Variants in PLXNA3 observed in about 807,000 individuals in gnomAD.
PLXNA3 encodes plexin A3.
A neutral mutation model predicts 118.8 loss-of-function variants in PLXNA3; 52 were observed. That is an observed-to-expected ratio of 0.44 (90% CI 0.35 to 0.55). The LOEUF is 0.55. PLXNA3 is among the 20% of genes least tolerant of loss of function. The pLI is 0.01. For missense variants in PLXNA3, 1,660 were observed against 1,730.8 expected, an observed-to-expected ratio of 0.96 and a Z score of 0.73; for synonymous variants, 925 against 762.4, an observed-to-expected ratio of 1.21 and a Z score of -3.51.
rs782321745 is a variant in PLXNA3 at position 154,467,928 on chromosome X, G to A, written c.3747G>A (p.Ala1249=). Residue 1249 remains alanine, a synonymous_variant, in exon 21 of 33, where the codon GCG becomes GCA. Coordinates refer to ENST00000369682, the MANE Select transcript of PLXNA3 (RefSeq NM_017514.5). ...CCTACAAGCGCAAGACTCAGGACGC[G>A]GACCGTACCCTCAAGCGTCTGCAGC... is the stretch of plus-strand genomic sequence containing the variant. ...LVAYKRKTQD[A]DRTLKRLQLQ... 4 of 1,210,879 alleles carry A rather than the reference G, an allele frequency of 3.3e-6. No homozygotes were observed. Among genetic ancestry groups the A allele is most frequent in the East Asian group, 3.0e-5 (1 of 33,835 alleles).
At chrX:154,461,055 G>C (rs1237751923) in intron 2 of PLXNA3, 44 bp from the exon 3 acceptor site, 4 of 1,098,071 alleles carry the variant, frequency 3.6e-6, no homozygotes, top group Non-Finnish European at 5.0e-6. Context: ...CGTGATGTTG[G>C]CACAGGGCCT....
chrX:154,466,213 T>C lies in PLXNA3; in HGVS notation c.2742T>C (p.Cys914=), dbSNP rs1557207021. 3 of 1,208,071 alleles carry C rather than the reference T, an allele frequency of 2.5e-6. No homozygotes were observed. Among genetic ancestry groups the C allele is most frequent in the Non-Finnish European group, 3.4e-6 (3 of 894,959 alleles). ...CGCCGCCGGGGCCCGTGGAGCTGTGTGTGGGTGACTGTTCAGCCGACTTCC... is the reference window on the plus strand; with the variant it reads ...CGCCGCCGGGGCCCGTGGAGCTGTGCGTGGGTGACTGTTCAGCCGACTTCC... ...PSPPPGPVEL[C]VGDCSADFRT... Residue 914 remains cysteine, a synonymous_variant, in exon 15 of 33, where the codon TGT becomes TGC. Coordinates refer to ENST00000369682, the MANE Select transcript of PLXNA3 (RefSeq NM_017514.5).
chrX:154,460,107 A>T (rs2068915479), intron 1 of PLXNA3, 50 bp from the exon 2 acceptor site: 2 of 707,441 alleles, frequency 2.8e-6, no homozygotes, highest in Non-Finnish European at 4.3e-6. Context: ...TGAATGGCCC[A>T]GCCCTCTGTG....
chrX:154,460,432 G>A lies in PLXNA3; in HGVS notation c.249G>A (p.Met83Ile), dbSNP rs1557203384. 2 of 1,202,049 alleles carry A rather than the reference G, an allele frequency of 1.7e-6. No individual in the cohort carries two copies. Among genetic ancestry groups the A allele is most frequent in the Non-Finnish European group, 2.2e-6 (2 of 889,448 alleles). ...DNARCYPPPS[M>I]RVCAHRLAPV... ...CTCGCTGCTACCCGCCCCCCAGCAT[G>A]CGCGTGTGTGCCCACCGCCTGGCCC... is the stretch of plus-strand genomic sequence containing the variant. Residue 83 changes from methionine (M) to isoleucine (I), a missense_variant, in exon 2 of 33, where the codon ATG (methionine) becomes ATA (isoleucine). By Grantham distance (10) the Met-to-Ile change is conservative. Transcript: ENST00000369682.
At position 154,463,656 on chromosome X, in the gene PLXNA3, G is replaced by A; in HGVS notation, c.1513G>A (p.Asp505Asn). 4 of 1,204,820 alleles carry A rather than the reference G, an allele frequency of 3.3e-6. No individual in the cohort carries two copies. Among genetic ancestry groups the A allele is most frequent in the Non-Finnish European group, 4.5e-6 (4 of 893,484 alleles). ...QSCAACLGSG[D>N]PHCGWCVLRH... Reference sequence around the variant, plus strand: ...CTGCGCAGCCTGCCTGGGCTCCGGGGACCCGCACTGTGGTTGGTGTGTGCT... The same window carrying A: ...CTGCGCAGCCTGCCTGGGCTCCGGGAACCCGCACTGTGGTTGGTGTGTGCT... Residue 505 changes from aspartate to asparagine, a missense_variant, in exon 6 of 33, where the codon GAC becomes AAC. By Grantham distance (23) the Asp-to-Asn change is conservative. Around this residue, in one of 2 missense-constraint regions of PLXNA3, gnomAD observed 791 missense variants for 652.1 expected, o/e 1.21. Coordinates refer to ENST00000369682, the MANE Select transcript of PLXNA3 (RefSeq NM_017514.5).
In PLXNA3 at chrX:154,461,359, C is replaced by T. The variant is rs192841912; in HGVS notation, c.855C>T (p.Arg285=). The change falls in exon 3 of 33, where the codon CGC becomes CGT. Residue 285 remains arginine (R), a synonymous_variant. Coordinates refer to ENST00000369682, the MANE Select transcript of PLXNA3 (RefSeq NM_017514.5). Reference sequence around the variant, plus strand: ...AATTCCCCATCGGCTGCTCCTGGCGCGGCGTGGAGTACCGCTTGGTGCAGA... The same window carrying T: ...AATTCCCCATCGGCTGCTCCTGGCGTGGCGTGGAGTACCGCTTGGTGCAGA... The part of the protein sequence containing the change: ...YVEFPIGCSW[R]GVEYRLVQSA... The T allele has an allele frequency of 1.3e-4, 159 of 1,211,257 alleles. No homozygotes were observed. Among genetic ancestry groups the T allele is most frequent in the Middle Eastern group, 4.6e-4 (2 of 4,346 alleles).
chrX:154,469,618 T>TGTGG, intron 27 of PLXNA3, 70 bp from the exon 28 acceptor site: 1 of 831,291 alleles, frequency 1.2e-6, no homozygotes, highest in Non-Finnish European at 1.7e-6. Flanking sequence ...CCCTCCTGGG[T>TGTGG]GTGGGTGGGT....
In PLXNA3 at chrX:154,465,496, A is replaced by G. The variant is rs371255994; in HGVS notation, c.2317A>G (p.Ile773Val). 3.3e-6 allele frequency: 4 copies of G among 1,205,122 alleles called. No homozygotes were observed. In the African/African-American group the frequency reaches 7.0e-5, roughly 21 times the overall value. Residue 773 changes from isoleucine to valine, a missense_variant, in exon 12 of 33, where the codon ATA becomes GTA. Around this residue, in one of 2 missense-constraint regions of PLXNA3, gnomAD observed 869 missense variants for 1,078.7 expected, o/e 0.81. Coordinates refer to ENST00000369682, the MANE Select transcript of PLXNA3 (RefSeq NM_017514.5). The part of the protein sequence containing the change: ...FSVVWDGDFP[I>V]DKPPSFRALL... Reference sequence around the variant, plus strand: ...CGTGGTCTGGGATGGAGACTTCCCCATAGACAAGCCTCCCAGCTTCCGAGG... The same window carrying G: ...CGTGGTCTGGGATGGAGACTTCCCCGTAGACAAGCCTCCCAGCTTCCGAGG...
Position 154,465,493 on chromosome X carries a change from C to G in PLXNA3, c.2314C>G (p.Pro772Ala). 1 of 1,207,520 alleles carries G rather than the reference C, an allele frequency of 8.3e-7. No homozygotes were observed. Among genetic ancestry groups the G allele is most frequent in the Non-Finnish European group, 1.1e-6 (1 of 891,576 alleles). The part of the protein sequence containing the change: ...DFSVVWDGDF[P>A]IDKPPSFRAL... ...TTCCGTGGTCTGGGATGGAGACTTC[C>G]CCATAGACAAGCCTCCCAGCTTCCG... Residue 772 changes from proline (P) to alanine (A), a missense_variant, in exon 12 of 33, where the codon CCC becomes GCC. Physicochemically the swap from Pro to Ala is conservative, Grantham distance 27. This residue lies in a region of PLXNA3 where 869 missense variants were observed against 1,078.7 expected (regional missense o/e 0.81). Transcript: ENST00000369682.
intron 3 of PLXNA3, 75 bp from the exon 4 acceptor site, chrX:154,462,053 G>C (rs1465395176): frequency 3.4e-6 from 3 of 881,708 alleles, no homozygotes; most frequent in Non-Finnish European, 4.8e-6. Flanking sequence ...CTCTCTTCTG[G>C]GACACAGGAA....
chrX:154,465,600 C>T (rs2069067957), intron 12 of PLXNA3, 57 bp from the exon 13 acceptor site: 1 of 1,163,937 alleles, frequency 8.6e-7, no homozygotes, highest in Non-Finnish European at 1.2e-6. Context: ...TAGTGCTCCC[C>T]ACTTTCCACT....
rs1557203606 is a variant in PLXNA3 at position 154,460,616 on chromosome X, G to A, written c.433G>A (p.Ala145Thr). ...CCGCAAGGAGCACTACCTGTCGGGG[G>A]CCCAGGAGCCCGACTCCATGGCTGG... ...HHRKEHYLSGAQEPDSMAGVI... is the reference protein window; with the variant it reads ...HHRKEHYLSGTQEPDSMAGVI... The change falls in exon 2 of 33, where the codon GCC becomes ACC. Residue 145 changes from alanine (A) to threonine (T), a missense_variant. Coordinates refer to ENST00000369682, the MANE Select transcript of PLXNA3 (RefSeq NM_017514.5). 2 of 1,189,810 alleles carry A rather than the reference G, an allele frequency of 1.7e-6. No homozygotes were observed. The highest frequency in any genetic ancestry group is 1.9e-5 in the South Asian group (1 of 53,719).
At chrX:154,467,518 T>C (rs1557207686) in intron 19 of PLXNA3, 27 bp from the exon 20 acceptor site, 16 of 1,161,814 alleles carry the variant, frequency 1.4e-5, no homozygotes, top group Admixed American at 1.3e-4. Flanking sequence ...TGGAGAGTCC[T>C]GGGCTGAAGT....
In PLXNA3 at chrX:154,467,837, C is replaced by T. The variant is rs782448475; in HGVS notation, c.3656C>T (p.Pro1219Leu). The T allele has an allele frequency of 3.3e-6, 4 of 1,205,054 alleles. No homozygotes were observed. Among genetic ancestry groups the T allele is most frequent in the Non-Finnish European group, 3.4e-6 (3 of 894,814 alleles). The change falls in exon 21 of 33, where the codon CCG becomes CTG. Residue 1219 changes from proline to leucine, a missense_variant. Transcript: ENST00000369682. ...HISAERALTL[P>L]AMMGLAAGGG... ...TCGGCAGAGCGGGCGCTGACCCTACCGGCCATGATGGGGCTGGCGGCGGGG... is the reference window on the plus strand; with the variant it reads ...TCGGCAGAGCGGGCGCTGACCCTACTGGCCATGATGGGGCTGGCGGCGGGG...
chrX:154,459,858 G>T (rs2148241805), intron 1 of PLXNA3, among the ~76,000 whole-genome samples: 1 of 113,305 alleles, frequency 8.8e-6, no homozygotes, highest in South Asian at 3.5e-4. Context: ...CTTTGCTGTT[G>T]GTTGCCCCGG....
At position 154,461,155 on chromosome X, in the gene PLXNA3, C is replaced by G; in HGVS notation, c.651C>G (p.Ser217=). The G allele has an allele frequency of 2.5e-6, 3 of 1,210,900 alleles. No individual in the cohort carries two copies. The highest frequency in any genetic ancestry group is 2.2e-6 in the Non-Finnish European group (2 of 894,228). ...SQIKIPSDTL[S]LYPAFDIYYI... ...TCAAGATCCCCTCAGACACGCTGTCCTTGTACCCTGCCTTTGACATCTACT... is the reference window on the plus strand; with the variant it reads ...TCAAGATCCCCTCAGACACGCTGTCGTTGTACCCTGCCTTTGACATCTACT... Residue 217 remains serine, a synonymous_variant, in exon 3 of 33, where the codon TCC becomes TCG. Coordinates refer to ENST00000369682, the MANE Select transcript of PLXNA3 (RefSeq NM_017514.5).
intron 16 of PLXNA3, 37 bp downstream of exon 16, chrX:154,466,549 G>A (rs781874694): frequency 1.3e-5 from 16 of 1,193,790 alleles, no homozygotes; most frequent in South Asian, 9.1e-5. Context: ...GTTGGGCATC[G>A]TGTGGGGGGC....
Position 154,459,944 on chromosome X carries a change from C to T in PLXNA3, c.-27-213C>T, listed in dbSNP as rs782432129. On this transcript the variant is annotated intron_variant, in intron 1 of 32. Transcript: ENST00000369682. ...CCCCTTGGGTGTGGCCCAGCTGAGGCGAGGCCTCCTGGCTCCTTTCCAGCA... is the reference window on the plus strand; with the variant it reads ...CCCCTTGGGTGTGGCCCAGCTGAGGTGAGGCCTCCTGGCTCCTTTCCAGCA... 3.2e-3 allele frequency among the ~76,000 whole-genome samples: 357 copies of T among 113,162 alleles called. 1 individual carries two copies. Among genetic ancestry groups the T allele is most frequent in the Admixed American group, 5.3e-3 (58 of 10,842 alleles).
At position 154,465,709 on chromosome X, in the gene PLXNA3, G is replaced by A; in HGVS notation, c.2394G>A (p.Lys798=). ...AQRPSCGLCL[K]ADPRFNCGWC... is the part of the protein sequence containing the mutation. The stretch of plus-strand genomic sequence containing the variant: ...GGCCCAGCTGTGGCCTCTGCCTCAA[G>A]GCTGATCCCCGCTTCAACTGTGGCT... Residue 798 remains lysine (K), a synonymous_variant, in exon 13 of 33, where the codon AAG becomes AAA. Transcript: ENST00000369682. 2 of 1,210,659 alleles carry A rather than the reference G, an allele frequency of 1.7e-6. No homozygotes were observed. Among genetic ancestry groups the A allele is most frequent in the Non-Finnish European group, 1.1e-6 (1 of 895,128 alleles).
Sources: allele counts gnomAD v4.1 joint callset (sites outside exome capture counted in the v4.1 genomes callset), GRCh38; gene constraint gnomAD v4.1.1; regional missense constraint gnomAD v4.1.1; transcripts MANE v1.5; gene names NCBI Gene and HGNC (gene_info 2026-07-23, HGNC 2026-07-21).